Variants in SCGN observed in about 807,000 individuals in gnomAD.
SCGN encodes secretagogin, EF-hand calcium binding protein, also known as secretagogin.
Under a neutral mutation model 39.7 loss-of-function variants are expected in SCGN, and 30 were observed. That is an observed-to-expected ratio of 0.76 (90% confidence interval 0.57 to 1.03). The LOEUF (loss-of-function observed/expected upper bound fraction) is 1.03, where lower values mean the gene tolerates loss of function less well. Ranked by LOEUF, SCGN falls within the 50% of genes least tolerant of loss-of-function variation. The probability of loss-of-function intolerance (pLI) is 0.00; values close to 1 mark genes in which losing one functional copy is unlikely to be tolerated. For missense variants in SCGN, 353 were observed against 349.4 expected, an observed-to-expected ratio of 1.01 and a Z score of -0.08; for synonymous variants, 106 against 114.1, an observed-to-expected ratio of 0.93 and a Z score of 0.45.
chr6:25,688,734 G>A (rs1759736506), intron 7 of SCGN, among the ~76,000 whole-genome samples: 1 of 150,194 alleles, frequency 6.7e-6, no homozygotes, highest in Non-Finnish European at 1.5e-5. Flanking sequence ...CCTGGGAGGC[G>A]GAGCTTGCAG....
chr6:25,669,913 T>G, intron 5 of SCGN, 86 bp from the exon 6 acceptor site: 1 of 1,075,456 alleles, frequency 9.3e-7, no homozygotes, highest in Non-Finnish European at 1.4e-6. Context: ...AACAAGCAAC[T>G]CACAATTCTT....
chr6:25,664,799 A>T, intron 3 of SCGN, 144 bp from the exon 4 acceptor site: 1 of 582,654 alleles, frequency 1.7e-6, no homozygotes, highest in South Asian at 2.2e-5. Flanking sequence ...AATCAAGAGC[A>T]CAGAACTGCA....
At chr6:25,689,611 C>T (rs1243450301) in intron 9 of SCGN, 79 bp downstream of exon 9, 1 of 1,178,226 alleles carries the variant, frequency 8.5e-7, no homozygotes, top group African/African-American at 1.5e-5. Flanking sequence ...CCATCTTACC[C>T]AACAGACCCT....
At chr6:25,652,524 G>C in intron 1 of SCGN, 39 bp downstream of exon 1, 1 of 1,590,628 alleles carries the variant, frequency 6.3e-7, no homozygotes, top group South Asian at 1.1e-5. Context: ...AGGTGTAGAC[G>C]TGGCTCCAAG....
chr6:25,679,607 C>G (rs1252191566), intron 6 of SCGN, among the ~76,000 whole-genome samples: 1 of 152,098 alleles, frequency 6.6e-6, no homozygotes, highest in African/African-American at 2.4e-5. Context: ...GTTGTCAGGA[C>G]TAGGCTTATA....
Position 25,652,368 on chromosome 6 carries a change from C to T in SCGN, c.-36C>T, listed in dbSNP as rs1240727587. ...AGTCCTTCCCAAAGTTGTCTAGGTC[C>T]TTCCGCGCCGGTGCCTGGTCTTCGT... On this transcript the variant is annotated 5_prime_UTR_variant, in exon 1 of 11. Coordinates refer to ENST00000377961, the MANE Select transcript of SCGN (RefSeq NM_006998.4). The T allele has an allele frequency of 6.3e-7, 1 of 1,592,524 alleles. No homozygotes were observed. Among genetic ancestry groups the T allele is most frequent in the East Asian group, 2.2e-5 (1 of 44,772 alleles).
intron 1 of SCGN, 103 bp downstream of exon 1, chr6:25,652,588 G>A: frequency 9.3e-7 from 1 of 1,071,710 alleles, no homozygotes; most frequent in Non-Finnish European, 1.4e-6. Context: ...AAAAGTTATC[G>A]ACCTGGGTTG....
At chr6:25,671,867 T>A (rs1005550015) in intron 6 of SCGN, among the ~76,000 whole-genome samples, 16 of 152,270 alleles carry the variant, frequency 1.1e-4, no homozygotes, top group African/African-American at 3.9e-4. Context: ...CTGGCTGTTG[T>A]TATCTCGATT....
At chr6:25,666,871 A>C (rs971413465) in intron 4 of SCGN, among the ~76,000 whole-genome samples, 2 of 152,188 alleles carry the variant, frequency 1.3e-5, no homozygotes, top group African/African-American at 4.8e-5. Context: ...AATTCTGTAT[A>C]AAGTCATAAT....
At chr6:25,655,286 G>T (rs886239000) in intron 2 of SCGN, among the ~76,000 whole-genome samples, 1 of 152,206 alleles carries the variant, frequency 6.6e-6, no homozygotes, top group South Asian at 2.1e-4. Flanking sequence ...GAGAAAAATT[G>T]CTGTCACTGT....
intron 2 of SCGN, 67 bp downstream of exon 2, chr6:25,653,519 T>C (rs997575453): frequency 6.0e-6 from 7 of 1,170,422 alleles, no homozygotes; most frequent in South Asian, 1.3e-5. Flanking sequence ...AAGTCTTATA[T>C]TGATTGGTAC....
At chr6:25,665,436 C>T (rs1469063149) in intron 4 of SCGN, among the ~76,000 whole-genome samples, 1 of 152,176 alleles carries the variant, frequency 6.6e-6, no homozygotes, top group East Asian at 1.9e-4. Flanking sequence ...AAAATAGCAG[C>T]AACTAATTTT....
In SCGN at chr6:25,701,461, A is replaced by G. The variant is rs1343869555; in HGVS notation, c.*126A>G. On this transcript the variant is annotated 3_prime_UTR_variant, in exon 11 of 11. Coordinates refer to ENST00000377961, the MANE Select transcript of SCGN (RefSeq NM_006998.4). ...AAATGGTGTGCTATTCTTGGGCAAG[A>G]ACAGGGACGCTAGGGCCTTCCTTCC... 4.7e-6 allele frequency: 6 copies of G among 1,265,168 alleles called. No homozygotes were observed. The Middle Eastern group carries it at 7.7e-4, about 163-fold the overall frequency. The allele number at this position is 1,265,168 out of a possible 1,614,324, so 78.4% of individuals were successfully genotyped here.
At chr6:25,671,490 T>C (rs1174890280) in intron 6 of SCGN, among the ~76,000 whole-genome samples, 1 of 152,132 alleles carries the variant, frequency 6.6e-6, no homozygotes, top group Non-Finnish European at 1.5e-5. Flanking sequence ...GTAATTGGCC[T>C]AGACAGGAGA....
chr6:25,691,217 G>A, intron 10 of SCGN, 93 bp downstream of exon 10: 5 of 960,302 alleles, frequency 5.2e-6, no homozygotes, highest in East Asian at 2.4e-5. Flanking sequence ...GAAGGTTAAT[G>A]TCAAAGATAA....
chr6:25,677,641 T>C (rs1409502861), intron 6 of SCGN, among the ~76,000 whole-genome samples: 1 of 152,240 alleles, frequency 6.6e-6, no homozygotes, highest in Non-Finnish European at 1.5e-5. Context: ...AATTAGATAG[T>C]TGTGATATAT....
rs117310587 is a variant in SCGN at position 25,675,472 on chromosome 6, A to C, written c.471+5396A>C. On this transcript the variant is annotated intron_variant, in intron 6 of 10. Coordinates refer to ENST00000377961, the MANE Select transcript of SCGN (RefSeq NM_006998.4). ...TTTCACGCCACTGTAAGCTTGCTTC[A>C]AGCTAGCCCACTCCCTTTTGTAAAG... Among the ~76,000 whole-genome samples the C allele has an allele frequency of 3.3e-5, 5 of 152,370 alleles. No individual in the cohort carries two copies. The East Asian group carries it at 9.6e-4, about 29-fold the overall frequency.
chr6:25,665,540 T>C (rs1760409448), intron 4 of SCGN, among the ~76,000 whole-genome samples: 1 of 152,200 alleles, frequency 6.6e-6, no homozygotes, highest in Non-Finnish European at 1.5e-5. Context: ...AGAGTAAAAG[T>C]TAAAGGCGGT....
rs1759474349 is a variant in SCGN at position 25,670,037 on chromosome 6, C to A, written c.432C>A (p.Ala144=). 1 of 1,613,580 alleles carries A rather than the reference C, an allele frequency of 6.2e-7. No individual in the cohort carries two copies. Among genetic ancestry groups the A allele is most frequent in the Admixed American group, 1.7e-5 (1 of 59,984 alleles). ...LRDLFLHHKK[A]ISEAKLEEYT... is the part of the protein sequence containing the mutation. ...ACCTCTTTCTTCACCACAAAAAGGC[C>A]ATTTCTGAGGCTAAACTGGAAGAAT... Residue 144 remains alanine, a synonymous_variant, in exon 6 of 11, where the codon GCC becomes GCA. Transcript: ENST00000377961.
Sources: allele counts gnomAD v4.1 joint callset (sites outside exome capture counted in the v4.1 genomes callset), GRCh38; gene constraint gnomAD v4.1.1; transcripts MANE v1.5; gene names NCBI Gene and HGNC (gene_info 2026-07-23, HGNC 2026-07-21).